Variants in DENND1A observed in about 807,000 individuals in gnomAD.
The protein encoded by DENND1A is DENN domain containing 1A.
In DENND1A, 51 loss-of-function variants were observed where a neutral mutation model predicts 113.7. The observed-to-expected ratio is 0.45, with a 90% CI of 0.36 to 0.57. The LOEUF (loss-of-function observed/expected upper bound fraction) is 0.57. Ranked by LOEUF, DENND1A falls within the 20% of genes least tolerant of loss-of-function variation. The probability of loss-of-function intolerance (pLI) is 0.00; values close to 1 mark genes in which losing one functional copy is unlikely to be tolerated. For synonymous variants in DENND1A, 565 were observed against 570.8 expected (o/e 0.99, Z 0.14); for missense variants, 1,258 against 1,395.9 (o/e 0.90, Z 1.57).
chr9:123,548,194 T>TC (rs1320989295), intron 13 of DENND1A, among the ~76,000 whole-genome samples: 1 of 152,040 alleles, frequency 6.6e-6, no homozygotes, highest in Non-Finnish European at 1.5e-5. Flanking sequence ...CAGAAGCACC[T>TC]CCCCTTATCC....
chr9:123,382,366 A>G lies in DENND1A; in HGVS notation c.2279T>C (p.Ile760Thr). ...GGTCTTCCTGCCTTGGGGCCGGGGGATGGTGATGCTGCCCAGAGTAGGGGT... is the reference window on the plus strand; with the variant it reads ...GGTCTTCCTGCCTTGGGGCCGGGGGGTGGTGATGCTGCCCAGAGTAGGGGT... ...VPTPTLGSIT[I>T]PRPQGRKTPE... The change falls in exon 24 of 24, where the codon ATC becomes ACC. Residue 760 changes from isoleucine to threonine, a missense_variant. Physicochemically the swap from Ile to Thr is moderately conservative, Grantham distance 89 (BLOSUM62 -1). Transcript: ENST00000394215. 1 of 1,599,452 alleles carries G rather than the reference A, an allele frequency of 6.3e-7. No individual in the cohort carries two copies. The highest frequency in any genetic ancestry group is 8.5e-7 in the Non-Finnish European group (1 of 1,172,982).
intron 19 of DENND1A, chr9:123,437,890 T>G (rs1187177108): frequency 6.6e-6 from 1 of 152,104 alleles, no homozygotes; most frequent in East Asian, 1.9e-4. Flanking sequence ...GTGCATTAGG[T>G]GATTCATAGA....
intron 5 of DENND1A, among the ~76,000 whole-genome samples, chr9:123,709,037 C>T (rs540770021): frequency 7.9e-5 from 12 of 152,334 alleles, no homozygotes; most frequent in African/African-American, 7.2e-5. Context: ...CCCCTGGAAT[C>T]GACTTTGAGC....
chr9:123,502,026 C>T (rs765941567), intron 13 of DENND1A, among the ~76,000 whole-genome samples: 6 of 152,128 alleles, frequency 3.9e-5, no homozygotes, highest in Non-Finnish European at 5.9e-5. Flanking sequence ...TCTAGATAAC[C>T]CTAATACAGG....
intron 11 of DENND1A, among the ~76,000 whole-genome samples, chr9:123,589,921 G>A (rs2059379638): frequency 6.6e-6 from 1 of 152,194 alleles, no homozygotes; most frequent in Admixed American, 6.5e-5. Flanking sequence ...CGACCAGGGG[G>A]CTTACTGTAG....
intron 12 of DENND1A, among the ~76,000 whole-genome samples, chr9:123,574,173 C>CTTTTTTTTTTTTTTTTT (rs542615815): frequency 1.2e-4 from 13 of 110,116 alleles, no homozygotes; most frequent in East Asian, 5.4e-4. Flanking sequence ...CTGTAGTTGC[C>CTTTTTTTTTTTTTTTTT]TTTTTTTTTT....
intron 12 of DENND1A, among the ~76,000 whole-genome samples, chr9:123,579,645 A>G (rs2058793512): frequency 6.6e-6 from 1 of 152,200 alleles, no homozygotes; most frequent in Non-Finnish European, 1.5e-5. Flanking sequence ...ATGTTTAAGA[A>G]GCAGAATCTG....
At chr9:123,802,815 G>C (rs1048430548) in intron 2 of DENND1A, among the ~76,000 whole-genome samples, 10 of 150,720 alleles carry the variant, frequency 6.6e-5, no homozygotes, top group African/African-American at 2.2e-4. Context: ...CGATTCTCCT[G>C]CCTCAGCCTC....
At chr9:123,401,551 T>G in intron 21 of DENND1A, 1 of 1,361,982 alleles carries the variant, frequency 7.3e-7, no homozygotes, top group African/African-American at 1.5e-5. Flanking sequence ...CTGTCATTTG[T>G]TTTCTATCAC....
chr9:123,733,978 C>A (rs914173889), intron 5 of DENND1A, among the ~76,000 whole-genome samples: 2 of 151,688 alleles, frequency 1.3e-5, no homozygotes, highest in Admixed American at 1.3e-4. Flanking sequence ...TTGTTTGCTT[C>A]TTTTCAAGAC....
chr9:123,835,022 G>A (rs1840835340), intron 2 of DENND1A, among the ~76,000 whole-genome samples: 1 of 151,596 alleles, frequency 6.6e-6, no homozygotes, highest in Non-Finnish European at 1.5e-5. Flanking sequence ...CAAGAGCCCA[G>A]GCAACATTAA....
chr9:123,795,546 A>C (rs1356875571), intron 2 of DENND1A, among the ~76,000 whole-genome samples: 1 of 152,220 alleles, frequency 6.6e-6, no homozygotes, highest in Non-Finnish European at 1.5e-5. Flanking sequence ...GTCTGGCAGC[A>C]ATCCACTTGC....
In DENND1A at chr9:123,863,597, TA is replaced by T. The variant is rs767437542; in HGVS notation, c.88+15353del. Among the ~76,000 whole-genome samples, 728 of 138,564 alleles carry T rather than the reference TA, an allele frequency of 5.3e-3. 4 individuals carry two copies. Among genetic ancestry groups the T allele is most frequent in the African/African-American group, 0.013 (486 of 38,130 alleles). 90.9% of individuals were successfully genotyped at this position (138,564 alleles called of 152,430 possible). ...AATCACATTTTGGTTTCTAACAAGT[TA>T]AAAAAAAAAAAAACAACTTTGGTTG... On this transcript the variant is annotated intron_variant, in intron 2 of 23. Transcript: ENST00000394215.
intron 18 of DENND1A, among the ~76,000 whole-genome samples, chr9:123,440,838 C>G (rs2046877055): frequency 6.6e-6 from 1 of 152,190 alleles, no homozygotes; most frequent in African/African-American, 2.4e-5. Flanking sequence ...ACAGCTCATG[C>G]ATAATTTTAT....
At chr9:123,518,748 C>A (rs1284050474) in intron 13 of DENND1A, among the ~76,000 whole-genome samples, 1 of 152,170 alleles carries the variant, frequency 6.6e-6, no homozygotes, top group Non-Finnish European at 1.5e-5. Flanking sequence ...GTCCATGCCA[C>A]CCCCACCTGT....
In DENND1A at chr9:123,490,517, G is replaced by A. The variant is rs561374578; in HGVS notation, c.994-32620C>T. Reference sequence around the variant, plus strand: ...GGCAGGAGAATCGCTTGAACCCAGGGGACAGAGGTTATAGTGAGCCAAGAT... The same window carrying A: ...GGCAGGAGAATCGCTTGAACCCAGGAGACAGAGGTTATAGTGAGCCAAGAT... On this transcript the variant is annotated intron_variant, in intron 13 of 23. Transcript: ENST00000394215. Among the ~76,000 whole-genome samples, 23 of 151,908 alleles carry A rather than the reference G, an allele frequency of 1.5e-4. 1 individual carries two copies. In the South Asian group the frequency reaches 4.2e-3, roughly 27 times the overall value.
chr9:123,431,791 A>C (rs2046151622), intron 19 of DENND1A, among the ~76,000 whole-genome samples: 2 of 152,004 alleles, frequency 1.3e-5, no homozygotes, highest in South Asian at 4.1e-4. Flanking sequence ...ATTCATCTCC[A>C]TGCCCCTCCC....
rs56191828 is a variant in DENND1A, at chr9:123,627,778, T to TGA, written c.719+2596_719+2597dup. Among the ~76,000 whole-genome samples, 485 of 121,936 alleles carry TGA rather than the reference T, an allele frequency of 4.0e-3. 2 individuals carry two copies. The highest frequency in any genetic ancestry group is 0.012 in the African/African-American group (386 of 31,618). 80.0% of individuals were successfully genotyped at this position (121,936 alleles called of 152,430 possible). On this transcript the variant is annotated intron_variant, in intron 10 of 23. Transcript: ENST00000394215. The stretch of plus-strand genomic sequence containing the variant: ...AAAAAAGAGAGAGAGAGCGAGCGAG[T>TGA]GAGAGAGAGAGAGAGAGCAAGCTCA...
At chr9:123,720,557 A>G (rs569428893) in intron 5 of DENND1A, among the ~76,000 whole-genome samples, 5 of 152,162 alleles carry the variant, frequency 3.3e-5, no homozygotes, top group Admixed American at 3.3e-4. Flanking sequence ...CCAAAATACA[A>G]TCTCTTTACT....
Sources: gnomAD v4.1 joint callset for allele counts (sites outside exome capture counted in the v4.1 genomes callset) on GRCh38, gnomAD v4.1.1 for gene constraint, MANE v1.5 for transcripts, NCBI Gene and HGNC (gene_info 2026-07-23, HGNC 2026-07-21) for gene names.